Variants in TRANK1 observed in about 807,000 individuals in gnomAD.
TRANK1 encodes the protein TPR and ankyrin repeat-containing protein 1.
In TRANK1, 198 loss-of-function variants were observed where a neutral mutation model predicts 266.0. The ratio of observed to expected loss-of-function variants is 0.74; its 90% CI spans 0.66 to 0.84. TRANK1 has a LOEUF of 0.84. Among genes scored for constraint, TRANK1 ranks in the 40% least tolerant of loss-of-function variants. The probability of loss-of-function intolerance (pLI) is 0.00; values close to 1 mark genes in which losing one functional copy is unlikely to be tolerated. For missense variants in TRANK1, 3,326 were observed against 3,634.6 expected (o/e 0.92, Z 2.18); for synonymous variants, 1,396 against 1,384.1 (o/e 1.01, Z -0.19).
chr3:36,941,441 G>C (rs2080495322), intron 1 of TRANK1, among the ~76,000 whole-genome samples: 1 of 152,188 alleles, frequency 6.6e-6, no homozygotes, highest in Admixed American at 6.5e-5. Context: ...GCAAAAGATG[G>C]AATTGATTCA....
chr3:36,880,891 TC>T (rs2079522081), intron 8 of TRANK1, among the ~76,000 whole-genome samples: 3 of 44,794 alleles, frequency 6.7e-5, no homozygotes, highest in East Asian at 8.5e-4. Flanking sequence ...CCCTCCCCCC[TC>T]CCCCCACCCC....
intron 7 of TRANK1, among the ~76,000 whole-genome samples, chr3:36,891,271 C>T (rs1476345863): frequency 6.6e-6 from 1 of 152,074 alleles, no homozygotes; most frequent in Non-Finnish European, 1.5e-5. Context: ...ACCCAGGAGG[C>T]AAAGGCTGCA....
rs773676953 is a variant in TRANK1, at chr3:36,892,203, G to A, written c.774C>T (p.Ala258=). 6.5e-7 allele frequency: 1 copy of A among 1,536,854 alleles called. No individual in the cohort carries two copies. Among genetic ancestry groups the A allele is most frequent in the South Asian group, 1.2e-5 (1 of 83,978 alleles). The change falls in exon 7 of 24, where the codon GCC becomes GCT. Residue 258 remains alanine (A), a splice_region_variant and synonymous_variant. Coordinates refer to ENST00000645898, the MANE Select transcript of TRANK1 (RefSeq NM_001329998.2). ...LHALMRLCIQ[A]RENHLFRWLM... ...GTGGAAAACTGGGAGAAGACTCACT[G>A]GCTTGGATACAGAGTCGCATGAGGG... is the stretch of plus-strand genomic sequence containing the variant.
Position 36,831,134 on chromosome 3 carries a change from A to T in TRANK1, c.8449T>A (p.Ser2817Thr). ...REECQERNSESYEQHIHLEHH... is the reference protein window; with the variant it reads ...REECQERNSETYEQHIHLEHH... ...TCTAGATGGATATGCTGCTCGTAAG[A>T]CTCGCTGTTCCTCTCCTGACACTCC... Residue 2817 changes from serine to threonine, a missense_variant, in exon 22 of 24, where the codon TCT (serine) becomes ACT (threonine). Physicochemically the swap from Ser to Thr is moderately conservative, Grantham distance 58. Coordinates refer to ENST00000645898, the MANE Select transcript of TRANK1 (RefSeq NM_001329998.2). The surrounding 1 kb of genome is among the most constrained non-coding windows in gnomAD (Gnocchi z 5.0). 1 of 1,613,696 alleles carries T rather than the reference A, an allele frequency of 6.2e-7. No individual in the cohort carries two copies. The highest frequency in any genetic ancestry group is 1.1e-5 in the South Asian group (1 of 91,062).
Position 36,832,432 on chromosome 3 carries a change from T to C in TRANK1, c.7151A>G (p.Glu2384Gly), listed in dbSNP as rs2078709241. 6.2e-7 allele frequency: 1 copy of C among 1,613,970 alleles called. No homozygotes were observed. The highest frequency in any genetic ancestry group is 8.5e-7 in the Non-Finnish European group (1 of 1,179,890). The change falls in exon 22 of 24, where the codon GAA becomes GGA. Residue 2384 changes from glutamate (E) to glycine (G), a missense_variant. Transcript: ENST00000645898. ...GGGTGCCAGCATGCCAAATTTCCCT[T>C]CTATTCCTTTTATCCTGCTGCCTCT... ...RGRGSRIKGI[E>G]GKFGMLAPNR...
At chr3:36,880,864 A>AT (rs1279931360) in intron 8 of TRANK1, 4 of 148,242 alleles carry the variant, frequency 2.7e-5, no homozygotes, top group East Asian at 2.1e-4. Context: ...AGCATTAGGT[A>AT]TATCACCTAA....
chr3:36,933,200 A>T (rs1454605329), intron 1 of TRANK1, among the ~76,000 whole-genome samples: 1 of 152,134 alleles, frequency 6.6e-6, no homozygotes, highest in Non-Finnish European at 1.5e-5. Flanking sequence ...AAAAAGTTCA[A>T]ATGTTTAGCC....
intron 1 of TRANK1, chr3:36,929,442 AG>A (rs1413167429): frequency 2.6e-5 from 4 of 152,236 alleles, no homozygotes; most frequent in Admixed American, 6.5e-5. Context: ...TGTTAAAGTC[AG>A]GTACTAACAT....
chr3:36,874,482 T>C (rs1236708833), intron 8 of TRANK1, among the ~76,000 whole-genome samples, 186 bp from the exon 9 acceptor site: 1 of 152,066 alleles, frequency 6.6e-6, no homozygotes, highest in Non-Finnish European at 1.5e-5. Context: ...AGGAGTTCTT[T>C]GTGGAGTGGG....
At chr3:36,873,256 G>A (rs981086339) in intron 9 of TRANK1, among the ~76,000 whole-genome samples, 1 of 152,174 alleles carries the variant, frequency 6.6e-6, no homozygotes, top group African/African-American at 2.4e-5. Context: ...CAAAAATTCT[G>A]TAAGTCTACT....
At chr3:36,883,152 A>C (rs2079554291) in intron 8 of TRANK1, among the ~76,000 whole-genome samples, 1 of 152,196 alleles carries the variant, frequency 6.6e-6, no homozygotes, top group Non-Finnish European at 1.5e-5. Context: ...CTCAGTGAAA[A>C]AAATCAGGCA....
intron 1 of TRANK1, among the ~76,000 whole-genome samples, chr3:36,917,920 T>C (rs781650607): frequency 6.6e-6 from 1 of 152,132 alleles, no homozygotes; most frequent in Non-Finnish European, 1.5e-5. Context: ...CTGAAAAGGT[T>C]GGGAGGAGCT....
chr3:36,895,108 G>GT lies in TRANK1; in HGVS notation c.552+531dup, dbSNP rs1239995291. ...AAGGGGAAGTAATTAGCCCAAAATA[G>GT]TAAGTGGGGGATTCTGATTCAAGGA... On this transcript the variant is annotated intron_variant, in intron 5 of 23. Transcript: ENST00000645898. Among the ~76,000 whole-genome samples, 15 of 152,310 alleles carry GT rather than the reference G, an allele frequency of 9.8e-5. No individual in the cohort carries two copies. The East Asian group carries it at 2.7e-3, about 27-fold the overall frequency.
At chr3:36,915,563 CCTATGCTGGGCA>C (rs2080112763) in intron 1 of TRANK1, among the ~76,000 whole-genome samples, 2 of 152,118 alleles carry the variant, frequency 1.3e-5, no homozygotes, top group African/African-American at 4.8e-5. Flanking sequence ...TAGCATCTAC[CCTATGCTGGGCA>C]CTGTGCTGGG....
chr3:36,897,892 G>T (rs2079815662), intron 4 of TRANK1, among the ~76,000 whole-genome samples: 1 of 152,176 alleles, frequency 6.6e-6, no homozygotes, highest in African/African-American at 2.4e-5. Context: ...CCAGTTTCTG[G>T]TTTTGCCTGA....
intron 18 of TRANK1, among the ~76,000 whole-genome samples, chr3:36,840,382 A>T (rs904868132): frequency 6.6e-6 from 1 of 152,240 alleles, no homozygotes; most frequent in Non-Finnish European, 1.5e-5. Context: ...AATACTTTCC[A>T]GACCTACCCA....
intron 8 of TRANK1, among the ~76,000 whole-genome samples, chr3:36,878,037 A>AT (rs2079414934): frequency 8.5e-6 from 1 of 117,300 alleles, no homozygotes; most frequent in Admixed American, 8.7e-5. Flanking sequence ...GGGGTCCCCA[A>AT]CCCCCCAGGT....
rs752904117 is a variant in TRANK1 at position 36,855,375 on chromosome 3, C to T, written c.4347G>A (p.Leu1449=). Residue 1449 remains leucine (L), a synonymous_variant, in exon 13 of 24, where the codon CTG becomes CTA. Transcript: ENST00000645898. ...TGGGGTCATTGATGCATTTCATCAG[C>T]AGCGCCAGCTCGGCCTGGGTAAAGT... ...IQDFTQAELA[L]LMKCINDPNS... 1 of 1,614,046 alleles carries T rather than the reference C, an allele frequency of 6.2e-7. No individual in the cohort carries two copies.
chr3:36,931,718 AG>A (rs1164542627), intron 1 of TRANK1, among the ~76,000 whole-genome samples: 1 of 152,192 alleles, frequency 6.6e-6, no homozygotes, highest in African/African-American at 2.4e-5. Flanking sequence ...AAAGAAAGAA[AG>A]AAAGAATATA....
Sources: allele counts gnomAD v4.1 joint callset (sites outside exome capture counted in the v4.1 genomes callset), GRCh38; gene constraint gnomAD v4.1.1; non-coding constraint Gnocchi (gnomAD v3.1); transcripts MANE v1.5; gene names NCBI Gene and HGNC (gene_info 2026-07-23, HGNC 2026-07-21).